CACNA1D: variants seen among roughly 807,000 people sequenced by gnomAD.
The protein encoded by CACNA1D is voltage-dependent L-type calcium channel subunit alpha-1D.
Under a neutral mutation model 257.1 loss-of-function variants are expected in CACNA1D, and 55 were observed. The observed-to-expected ratio is 0.21, with a 90% confidence interval of 0.17 to 0.27. The LOEUF (loss-of-function observed/expected upper bound fraction) is 0.27, where lower values mean the gene tolerates loss of function less well. Among genes scored for constraint, CACNA1D ranks in the 10% least tolerant of loss-of-function variants. CACNA1D has a pLI of 1.00. For missense variants in CACNA1D, 1,876 were observed against 2,784.0 expected, an observed-to-expected ratio of 0.67 and a Z score of 7.34; for synonymous variants, 980 against 1,014.9, an observed-to-expected ratio of 0.97 and a Z score of 0.65.
At chr3:53,730,296 T>C in intron 15 of CACNA1D, 146 bp from the exon 16 acceptor site, 1 of 696,702 alleles carries the variant, frequency 1.4e-6, no homozygotes, top group Non-Finnish European at 2.7e-6. Context: ...AGGGCTCTGG[T>C]ACTCTAGTTT....
chr3:53,808,196 C>T (rs907072761), intron 45 of CACNA1D: 93 of 190,710 alleles, frequency 4.9e-4, no homozygotes, highest in Non-Finnish European at 1.7e-4. Flanking sequence ...GGGTGGATCA[C>T]GAGGTCAGGA....
intron 9 of CACNA1D, among the ~76,000 whole-genome samples, chr3:53,703,545 C>A (rs913044233): frequency 5.3e-5 from 8 of 152,312 alleles, no homozygotes; most frequent in African/African-American, 1.7e-4. Flanking sequence ...GCCCTTTGTG[C>A]CTCGGGTCAG....
rs1277658984 is a variant in CACNA1D, at chr3:53,789,727, G to A, written c.4923+2775G>A. On this transcript the variant is annotated intron_variant, in intron 40 of 47. Transcript: ENST00000350061. The surrounding 1 kb of genome is among the most constrained non-coding windows in gnomAD (Gnocchi z 4.2). The stretch of plus-strand genomic sequence containing the variant: ...CGCAGAAGTGCGGACCTAGGCATGT[G>A]CGTGCTTGTGCTGCGTAGGGTGCAG... Among the ~76,000 whole-genome samples, 1 of 152,254 alleles carries A rather than the reference G, an allele frequency of 6.6e-6. No homozygotes were observed. The highest frequency in any genetic ancestry group is 1.9e-4 in the East Asian group (1 of 5,200).
chr3:53,804,563 G>T (rs2095552618), intron 44 of CACNA1D, among the ~76,000 whole-genome samples: 1 of 152,144 alleles, frequency 6.6e-6, no homozygotes, highest in Admixed American at 6.5e-5. Flanking sequence ...TTTCCAGCTC[G>T]CATTTGATTT....
intron 9 of CACNA1D, among the ~76,000 whole-genome samples, chr3:53,705,441 A>G (rs2094677374): frequency 6.6e-6 from 1 of 152,250 alleles, no homozygotes; most frequent in African/African-American, 2.4e-5. Flanking sequence ...TCCCAAGCCC[A>G]TAAAGCTGCA....
At chr3:53,778,883 G>C (rs1484375725) in intron 37 of CACNA1D, among the ~76,000 whole-genome samples, 1 of 152,240 alleles carries the variant, frequency 6.6e-6, no homozygotes. Flanking sequence ...AACTAGGCAA[G>C]GTCTGAAGGA....
chr3:53,627,087 G>A (rs2093767681), intron 3 of CACNA1D, among the ~76,000 whole-genome samples: 1 of 152,194 alleles, frequency 6.6e-6, no homozygotes, highest in African/African-American at 2.4e-5. Flanking sequence ...AGCTGAAACT[G>A]GCCAGGCAGC....
intron 40 of CACNA1D, among the ~76,000 whole-genome samples, chr3:53,788,827 G>A (rs945800611): frequency 1.3e-5 from 2 of 152,106 alleles, no homozygotes; most frequent in Non-Finnish European, 2.9e-5. Flanking sequence ...GGTTAGCTAG[G>A]TACCATGAGA....
chr3:53,579,521 A>G (rs1575954380), intron 3 of CACNA1D, among the ~76,000 whole-genome samples: 1 of 152,202 alleles, frequency 6.6e-6, no homozygotes, highest in South Asian at 2.1e-4. Flanking sequence ...AGAAGTGGCT[A>G]TTTTGTCTCT....
intron 40 of CACNA1D, chr3:53,790,977 T>A (rs1018650491): frequency 2.8e-6 from 2 of 702,278 alleles, no homozygotes; most frequent in East Asian, 5.4e-5. Context: ...TTCGTTTGTT[T>A]CAGATGCTTG....
At chr3:53,551,267 A>G (rs571574285) in intron 3 of CACNA1D, among the ~76,000 whole-genome samples, 2 of 152,334 alleles carry the variant, frequency 1.3e-5, no homozygotes, top group South Asian at 4.1e-4. Flanking sequence ...CCACGGTCAC[A>G]CATGACTTTC....
chr3:53,563,684 G>C (rs761493550), intron 3 of CACNA1D, among the ~76,000 whole-genome samples: 2 of 151,920 alleles, frequency 1.3e-5, no homozygotes, highest in Non-Finnish European at 2.9e-5. Flanking sequence ...CTGTAACTTA[G>C]TTTTCCCTCA....
chr3:53,731,959 C>A, intron 17 of CACNA1D, 57 bp from the exon 18 acceptor site: 1 of 1,151,366 alleles, frequency 8.7e-7, no homozygotes, highest in Non-Finnish European at 1.3e-6. Context: ...GACTTTTCCT[C>A]TCTGAAGTGA....
intron 40 of CACNA1D, chr3:53,797,865 C>G (rs533857887): frequency 6.6e-6 from 1 of 152,268 alleles, no homozygotes; most frequent in East Asian, 1.9e-4. Context: ...GCCTTTACTG[C>G]CTTGTAATAT....
rs144170324 is a variant in CACNA1D at position 53,660,908 on chromosome 3, A to G, written c.766+633A>G. Among the ~76,000 whole-genome samples, 952 of 152,310 alleles carry G rather than the reference A, an allele frequency of 6.3e-3. 4 individuals carry two copies. Among genetic ancestry groups the G allele is most frequent in the Non-Finnish European group, 9.5e-3 (649 of 68,016 alleles). The stretch of plus-strand genomic sequence containing the variant: ...GGATGTCTGGAGCACAGAGGCTCTC[A>G]GTGGGTGAGAGAGAGAGTTTTAGCC... On this transcript the variant is annotated intron_variant, in intron 5 of 47. Coordinates refer to ENST00000350061, the MANE Select transcript of CACNA1D (RefSeq NM_001128840.3).
intron 3 of CACNA1D, among the ~76,000 whole-genome samples, chr3:53,552,040 T>G (rs903584240): frequency 3.3e-5 from 5 of 152,212 alleles, no homozygotes; most frequent in African/African-American, 1.2e-4. Flanking sequence ...ACTCCTGACC[T>G]ATGCCCAGGC....
chr3:53,711,985 C>T (rs907714744), intron 9 of CACNA1D, among the ~76,000 whole-genome samples: 1 of 152,090 alleles, frequency 6.6e-6, no homozygotes, highest in Non-Finnish European at 1.5e-5. Context: ...AAGGTGTCTG[C>T]AAGAAGAATG....
At chr3:53,566,641 C>T (rs535039011) in intron 3 of CACNA1D, among the ~76,000 whole-genome samples, 71 of 152,286 alleles carry the variant, frequency 4.7e-4, no homozygotes, top group Non-Finnish European at 7.8e-4. Context: ...CACAGCGTGG[C>T]ACATGGGAGC....
chr3:53,494,901 A>G lies in CACNA1D; in HGVS notation c.-266A>G. 2.3e-6 allele frequency: 1 copy of G among 441,042 alleles called. No homozygotes were observed. Among genetic ancestry groups the G allele is most frequent in the Non-Finnish European group, 4.2e-6 (1 of 239,990 alleles). The allele number at this position is 441,042 out of a possible 1,614,324, so 27.3% of individuals were successfully genotyped here. A position where few individuals can be genotyped will look rare whatever the true frequency, so the allele number is the denominator to read the frequency against. ...CATGTATATATTATTAAGATAATAT[A>G]TACATTGGATTTTATTTTTTTAAAA... On this transcript the variant is annotated 5_prime_UTR_variant, in exon 1 of 48. It adds an upstream start codon to the 5' untranslated region. Transcript: ENST00000350061.
Sources: gnomAD v4.1 joint callset for allele counts (sites outside exome capture counted in the v4.1 genomes callset) on GRCh38, gnomAD v4.1.1 for gene constraint, Gnocchi (gnomAD v3.1) non-coding constraint, MANE v1.5 for transcripts, NCBI Gene and HGNC (gene_info 2026-07-23, HGNC 2026-07-21) for gene names.